SPIRE1: variants seen among roughly 807,000 people sequenced by gnomAD.
SPIRE1 encodes the protein protein spire homolog 1.
SPIRE1 carries 40 observed loss-of-function variants against 94.1 expected under a neutral mutation model. That is an observed-to-expected ratio of 0.43 (90% CI 0.33 to 0.55). The LOEUF (loss-of-function observed/expected upper bound fraction) is 0.55, where lower values mean the gene tolerates loss of function less well. Ranked by LOEUF, SPIRE1 falls within the 20% of genes least tolerant of loss-of-function variation. The probability of loss-of-function intolerance (pLI) is 0.06; values close to 1 mark genes in which losing one functional copy is unlikely to be tolerated. For missense variants in SPIRE1, 838 were observed against 975.2 expected, an observed-to-expected ratio of 0.86 and a Z score of 1.87; for synonymous variants, 376 against 371.7, an observed-to-expected ratio of 1.01 and a Z score of -0.13.
At chr18:12,535,420 T>C in intron 4 of SPIRE1, 56 bp downstream of exon 4, 1 of 1,554,292 alleles carries the variant, frequency 6.4e-7, no homozygotes, top group Non-Finnish European at 8.8e-7. Flanking sequence ...TTCCAACAAA[T>C]ATCAAATGCA....
intron 10 of SPIRE1, among the ~76,000 whole-genome samples, chr18:12,473,341 A>G (rs2032436863): frequency 6.6e-6 from 1 of 152,252 alleles, no homozygotes; most frequent in Admixed American, 6.5e-5. Flanking sequence ...AACAAAAGCA[A>G]AAATATAACA....
chr18:12,464,985 G>A (rs1227128168), intron 10 of SPIRE1, 27 bp from the exon 11 acceptor site: 3 of 1,598,982 alleles, frequency 1.9e-6, no homozygotes, highest in Non-Finnish European at 1.7e-6. Flanking sequence ...TGGAGAAATC[G>A]ACTTCTTAGA....
At position 12,449,727 on chromosome 18, in the gene SPIRE1, G is replaced by A. The variant is rs765850860; in HGVS notation, c.2182C>T (p.Arg728Ter). 4.3e-6 allele frequency: 7 copies of A among 1,613,886 alleles called. No individual in the cohort carries two copies. The highest frequency in any genetic ancestry group is 2.7e-5 in the African/African-American group (2 of 74,844). The change falls in exon 17 of 17, where the codon CGA (arginine) becomes TGA (stop). Residue 728 changes from arginine to a stop codon, truncating the protein, a stop_gained. Transcript: ENST00000409402. LOFTEE classifies it high-confidence loss of function. ...AAAGACTGCGTTTTCCTTTTCAATC[G>A]GGCCCTTTTGTTGGCCAACACCAGA... ...RSLVLANKRA[R>*]LKRKTQSFYM...
At chr18:12,653,944 C>T (rs1292240382) in intron 1 of SPIRE1, among the ~76,000 whole-genome samples, 1 of 146,704 alleles carries the variant, frequency 6.8e-6, no homozygotes, top group Non-Finnish European at 1.5e-5. Flanking sequence ...AAAACTCCGT[C>T]TCAAAAAAAA....
At chr18:12,544,180 A>T (rs546181533) in intron 3 of SPIRE1, among the ~76,000 whole-genome samples, 3 of 151,882 alleles carry the variant, frequency 2.0e-5, no homozygotes, top group African/African-American at 7.2e-5. Flanking sequence ...ACCTTAAAAA[A>T]ATTTTTTTTC....
chr18:12,553,161 A>G (rs1235799057), intron 2 of SPIRE1, among the ~76,000 whole-genome samples: 1 of 152,130 alleles, frequency 6.6e-6, no homozygotes, highest in South Asian at 2.1e-4. Context: ...TGTGGTGGCT[A>G]AGGTGAAAGA....
intron 10 of SPIRE1, among the ~76,000 whole-genome samples, chr18:12,476,653 CAAAT>C (rs2014268423): frequency 7.2e-6 from 1 of 138,988 alleles, no homozygotes; most frequent in African/African-American, 2.6e-5. Context: ...AAAAGAATTT[CAAAT>C]ATATATAAAA....
At chr18:12,499,074 T>C (rs1036230292) in intron 6 of SPIRE1, among the ~76,000 whole-genome samples, 4 of 152,310 alleles carry the variant, frequency 2.6e-5, no homozygotes, top group Admixed American at 1.3e-4. Context: ...CTTTTATTTT[T>C]ATCTTAAATA....
intron 1 of SPIRE1, among the ~76,000 whole-genome samples, chr18:12,654,704 T>C (rs1164208768): frequency 6.6e-6 from 1 of 151,072 alleles, no homozygotes; most frequent in Non-Finnish European, 1.5e-5. Flanking sequence ...TTCCCTACAA[T>C]GGAAGTCTCA....
chr18:12,570,587 C>T (rs905055798), intron 2 of SPIRE1, among the ~76,000 whole-genome samples: 18 of 152,108 alleles, frequency 1.2e-4, no homozygotes, highest in Non-Finnish European at 2.1e-4. Flanking sequence ...TTATACATTA[C>T]GATGATCCTG....
At chr18:12,584,534 A>C (rs1175949009) in intron 2 of SPIRE1, among the ~76,000 whole-genome samples, 1 of 152,214 alleles carries the variant, frequency 6.6e-6, no homozygotes, top group Non-Finnish European at 1.5e-5. Flanking sequence ...CAAATAATAT[A>C]GTCTCAAAAT....
chr18:12,475,513 G>GA lies in SPIRE1; in HGVS notation c.1404+4185dup, dbSNP rs930946536. Reference sequence around the variant, plus strand: ...GAATGGAAAAAATGGAGTGGTACTGGAAAAAAAAAAGAAGTTGGTGAAAAG... The same window carrying GA: ...GAATGGAAAAAATGGAGTGGTACTGGAAAAAAAAAAAGAAGTTGGTGAAAAG... On this transcript the variant is annotated intron_variant, in intron 10 of 16. Coordinates refer to ENST00000409402, the MANE Select transcript of SPIRE1 (RefSeq NM_001128626.2). Among the ~76,000 whole-genome samples the GA allele has an allele frequency of 1.8e-4, 26 of 146,756 alleles. 1 individual carries two copies. The highest frequency in any genetic ancestry group is 6.8e-3 in the Middle Eastern group (2 of 292).
chr18:12,622,288 G>A lies in SPIRE1; in HGVS notation c.372+12774C>T, dbSNP rs137951257. ...AGTGTATAAAACACATCTGTGTAGC[G>A]TGGGAAATACAAAGAATGTAAGAAA... On this transcript the variant is annotated intron_variant, in intron 2 of 16. Coordinates refer to ENST00000409402, the MANE Select transcript of SPIRE1 (RefSeq NM_001128626.2). 2.5e-3 allele frequency among the ~76,000 whole-genome samples: 385 copies of A among 152,212 alleles called. 3 individuals carry two copies. Among genetic ancestry groups the A allele is most frequent in the South Asian group, 0.014 (68 of 4,822 alleles).
chr18:12,661,018 G>C (rs1435597244), upstream of SPIRE1, among the ~76,000 whole-genome samples: 1 of 152,094 alleles, frequency 6.6e-6, no homozygotes, highest in Non-Finnish European at 1.5e-5. Context: ...TTAAAGTTTT[G>C]ATAAGCTGGC....
intron 4 of SPIRE1, among the ~76,000 whole-genome samples, chr18:12,524,981 G>GAA (rs1008022817): frequency 7.2e-6 from 1 of 139,514 alleles, no homozygotes; most frequent in Non-Finnish European, 1.6e-5. Context: ...CTAGGAAGAA[G>GAA]AAAAAAAAAA....
chr18:12,638,622 G>T (rs1006040076), intron 1 of SPIRE1, among the ~76,000 whole-genome samples: 1 of 152,108 alleles, frequency 6.6e-6, no homozygotes, highest in Non-Finnish European at 1.5e-5. Context: ...GATATGGTTT[G>T]GTTCTATGCC....
In SPIRE1 at chr18:12,469,378, T is replaced by C. The variant is rs139673527; in HGVS notation, c.1405-4420A>G. 2.1e-3 allele frequency among the ~76,000 whole-genome samples: 319 copies of C among 151,272 alleles called. 1 individual carries two copies. Among genetic ancestry groups the C allele is most frequent in the African/African-American group, 7.4e-3 (306 of 41,364 alleles). ...CCACCATGCCTGGCTAATTTATATA[T>C]ATATTTTTAGTTTTGCCATGTTGGC... is the stretch of plus-strand genomic sequence containing the variant. On this transcript the variant is annotated intron_variant, in intron 10 of 16. Coordinates refer to ENST00000409402, the MANE Select transcript of SPIRE1 (RefSeq NM_001128626.2).
intron 7 of SPIRE1, among the ~76,000 whole-genome samples, chr18:12,494,611 C>CCCCT: frequency 6.6e-6 from 1 of 151,170 alleles, no homozygotes. Context: ...GGGCGGATCA[C>CCCCT]GAGGTCAGGA....
chr18:12,657,348 C>A (rs1220196577), intron 1 of SPIRE1, among the ~76,000 whole-genome samples, 182 bp downstream of exon 1: 2 of 152,126 alleles, frequency 1.3e-5, no homozygotes, highest in Non-Finnish European at 2.9e-5. Flanking sequence ...CTCCGAGGGG[C>A]CCCGGCCAGC....
Sources: gnomAD v4.1 joint callset for allele counts (sites outside exome capture counted in the v4.1 genomes callset) on GRCh38, gnomAD v4.1.1 for gene constraint, MANE v1.5 for transcripts, NCBI Gene and HGNC (gene_info 2026-07-23, HGNC 2026-07-21) for gene names.